Variants in TBX15 observed in about 807,000 individuals in gnomAD.
The protein encoded by TBX15 is T-box transcription factor TBX15.
A neutral mutation model predicts 53.9 loss-of-function variants in TBX15; 18 were observed. The observed-to-expected ratio is 0.33, with a 90% CI of 0.23 to 0.49. The LOEUF (loss-of-function observed/expected upper bound fraction) is 0.49, where lower values mean the gene tolerates loss of function less well. Ranked by LOEUF, TBX15 falls within the 20% of genes least tolerant of loss-of-function variation. The pLI is 0.98. For synonymous variants in TBX15, 295 were observed against 278.0 expected (o/e 1.06, Z -0.61); for missense variants, 692 against 749.5 (o/e 0.92, Z 0.90).
intron 1 of TBX15, among the ~76,000 whole-genome samples, chr1:118,940,733 A>T (rs76372049): frequency 0.18 from 26,998 of 150,596 alleles, 3,240 homozygotes; most frequent in East Asian, 0.54. Flanking sequence ...AAAACAAAAA[A>T]AAATAAATAA....
chr1:118,983,111 A>G (rs1657700692), intron 1 of TBX15, among the ~76,000 whole-genome samples: 1 of 151,838 alleles, frequency 6.6e-6, no homozygotes, highest in South Asian at 2.1e-4. Flanking sequence ...AAAAGGAGAG[A>G]CCCGCACACC....
At chr1:118,956,385 T>A (rs1656691286) in intron 1 of TBX15, among the ~76,000 whole-genome samples, 1 of 151,966 alleles carries the variant, frequency 6.6e-6, no homozygotes, top group Non-Finnish European at 1.5e-5. Flanking sequence ...AACAAATAGT[T>A]CAGAAAAAAG....
chr1:118,976,282 C>T (rs890846466), intron 1 of TBX15, among the ~76,000 whole-genome samples: 6 of 152,096 alleles, frequency 3.9e-5, no homozygotes, highest in African/African-American at 1.2e-4. Context: ...TTAATTTAGT[C>T]TCTTTCTTCT....
chr1:118,884,718 G>A lies in TBX15; in HGVS notation c.*14C>T, dbSNP rs372032554. On this transcript the variant is annotated 3_prime_UTR_variant, in exon 8 of 8. Transcript: ENST00000369429. ...CCTTGATTGCCAAATGCTCCGTGGT[G>A]TTTGGACTGGCCTTTAAACCATGTG... The A allele has an allele frequency of 6.2e-7, 1 of 1,613,846 alleles. No individual in the cohort carries two copies. The highest frequency in any genetic ancestry group is 8.5e-7 in the Non-Finnish European group (1 of 1,179,974).
intron 6 of TBX15, among the ~76,000 whole-genome samples, chr1:118,910,320 T>C (rs1028658112): frequency 6.6e-6 from 1 of 152,344 alleles, no homozygotes; most frequent in African/African-American, 2.4e-5. Flanking sequence ...TGGGTACATT[T>C]ACATGCAACT....
chr1:118,961,220 C>A (rs984222), intron 1 of TBX15, among the ~76,000 whole-genome samples: 1 of 151,944 alleles, frequency 6.6e-6, no homozygotes, highest in Admixed American at 6.6e-5. Flanking sequence ...GACACCCATC[C>A]CCCTGTGTTT....
rs1655535424 is a variant in TBX15, at chr1:118,924,664, C to T, written c.675G>A (p.Glu225=). 1 of 1,613,906 alleles carries T rather than the reference C, an allele frequency of 6.2e-7. No homozygotes were observed. The highest frequency in any genetic ancestry group is 8.5e-7 in the Non-Finnish European group (1 of 1,179,948). ...SFDKLKLTNN[E]LDDQGHIILH... The stretch of plus-strand genomic sequence containing the variant: ...GACTCACATGTCCTTGATCATCCAA[C>T]TCATTGTTGGTAAGCTTGAGTTTGT... Residue 225 remains glutamate (E), a synonymous_variant, in exon 4 of 8, where the codon GAG becomes GAA. Coordinates refer to ENST00000369429, the MANE Select transcript of TBX15 (RefSeq NM_001330677.2).
intron 1 of TBX15, among the ~76,000 whole-genome samples, chr1:118,965,741 G>C (rs550283497): frequency 1.3e-5 from 2 of 152,314 alleles, no homozygotes; most frequent in East Asian, 3.9e-4. Context: ...TTTTAAAAGA[G>C]GGGGAAGTGG....
At chr1:118,885,704 T>C (rs866475635) in intron 7 of TBX15, among the ~76,000 whole-genome samples, 188 bp from the exon 8 acceptor site, 1 of 151,144 alleles carries the variant, frequency 6.6e-6, no homozygotes, top group Non-Finnish European at 1.5e-5. Flanking sequence ...TACACAGTCA[T>C]ACAGTCTCTC....
chr1:118,912,340 A>C (rs1341681262), intron 6 of TBX15, among the ~76,000 whole-genome samples: 1 of 152,184 alleles, frequency 6.6e-6, no homozygotes, highest in Admixed American at 6.5e-5. Context: ...ATCTGAAGAA[A>C]GATATAGACC....
At chr1:118,956,220 T>C (rs75270151) in intron 1 of TBX15, among the ~76,000 whole-genome samples, 1,851 of 152,290 alleles carry the variant, frequency 0.012, 32 homozygotes, top group African/African-American at 0.04. Flanking sequence ...GGTATTTTTT[T>C]CTAGCAGTCT....
intron 5 of TBX15, among the ~76,000 whole-genome samples, chr1:118,915,077 T>C (rs1655154672): frequency 6.6e-6 from 1 of 152,216 alleles, no homozygotes; most frequent in Admixed American, 6.5e-5. Flanking sequence ...GAACAACATA[T>C]GTCACATGCA....
chr1:118,915,862 C>T (rs897301675), intron 5 of TBX15, among the ~76,000 whole-genome samples: 1 of 152,192 alleles, frequency 6.6e-6, no homozygotes, highest in Admixed American at 6.5e-5. Context: ...CAGCACTCTA[C>T]TTCATGGGCC....
chr1:118,975,219 G>A (rs546461521), intron 1 of TBX15, among the ~76,000 whole-genome samples: 3 of 152,148 alleles, frequency 2.0e-5, no homozygotes, highest in East Asian at 1.9e-4. Flanking sequence ...AGGTCATGTC[G>A]GGAAGGCTGC....
intron 7 of TBX15, among the ~76,000 whole-genome samples, chr1:118,890,550 C>G (rs1189291850): frequency 6.6e-6 from 1 of 152,080 alleles, no homozygotes; most frequent in Non-Finnish European, 1.5e-5. Flanking sequence ...TTAAATTGCT[C>G]CAATATCCAA....
intron 1 of TBX15, among the ~76,000 whole-genome samples, chr1:118,950,211 C>T (rs927052129): frequency 3.3e-5 from 5 of 152,188 alleles, no homozygotes; most frequent in African/African-American, 1.2e-4. Flanking sequence ...TGGTAATAGT[C>T]ATATACTCTT....
chr1:118,987,593 G>A lies in TBX15; in HGVS notation c.203C>T (p.Pro68Leu), dbSNP rs1455999005. 10 of 1,545,964 alleles carry A rather than the reference G, an allele frequency of 6.5e-6. No homozygotes were observed. Among genetic ancestry groups the A allele is most frequent in the Non-Finnish European group, 7.9e-6 (9 of 1,146,306 alleles). Residue 68 changes from proline to leucine, a missense_variant and splice_region_variant, in exon 1 of 8, where the codon CCG (proline) becomes CTG (leucine). Physicochemically the swap from Pro to Leu is moderately conservative, Grantham distance 98. Transcript: ENST00000369429. ...GCGGTCGGCTGCGACGCACTCACCC[G>A]GGTGAGGCTCCAGGCCGTGTGCCGC... ...DAAAHGLEPHPDSEQSTGSDS... is the reference protein window; with the variant it reads ...DAAAHGLEPHLDSEQSTGSDS...
At chr1:118,958,955 TACTA>T (rs1290655171) in intron 1 of TBX15, among the ~76,000 whole-genome samples, 1 of 151,660 alleles carries the variant, frequency 6.6e-6, no homozygotes, top group African/African-American at 2.4e-5. Context: ...GTATTATAAA[TACTA>T]ATTAATAGGG....
chr1:118,926,874 TTGTGTGTGTGTGTGTGTGTG>T, intron 2 of TBX15, among the ~76,000 whole-genome samples: 1 of 149,076 alleles, frequency 6.7e-6, no homozygotes, highest in African/African-American at 2.5e-5. Context: ...CCCAGCTAAT[TTGTGTGTGTGTGTGTGTGTG>T]TGTGTGTGTT....
Sources: allele counts gnomAD v4.1 joint callset (sites outside exome capture counted in the v4.1 genomes callset), GRCh38; gene constraint gnomAD v4.1.1; transcripts MANE v1.5; gene names NCBI Gene and HGNC (gene_info 2026-07-23, HGNC 2026-07-21).